PLXNA2: variants seen among roughly 807,000 people sequenced by gnomAD.
PLXNA2 encodes plexin A2.
In PLXNA2, 91 loss-of-function variants were observed where a neutral mutation model predicts 193.5. That is an observed-to-expected ratio of 0.47 (90% CI 0.40 to 0.56). The LOEUF is 0.56. PLXNA2 is among the 20% of genes least tolerant of loss of function. The pLI, the probability that PLXNA2 is intolerant of heterozygous loss-of-function variation, is 0.00. For missense variants in PLXNA2, 1,995 were observed against 2,503.2 expected, an observed-to-expected ratio of 0.80 and a Z score of 4.33; for synonymous variants, 997 against 1,027.3, an observed-to-expected ratio of 0.97 and a Z score of 0.56.
At chr1:208,060,623 G>T in intron 13 of PLXNA2, 63 bp downstream of exon 13, 2 of 1,475,816 alleles carry the variant, frequency 1.4e-6, no homozygotes, top group East Asian at 2.4e-5. Flanking sequence ...AAGGGAGAGG[G>T]GAGAGTCTCC....
At chr1:208,235,021 G>A (rs777842579) in intron 1 of PLXNA2, among the ~76,000 whole-genome samples, 6 of 152,154 alleles carry the variant, frequency 3.9e-5, no homozygotes, top group South Asian at 2.1e-4. Flanking sequence ...TGAGCTCTGC[G>A]TTTTCTTATT....
intron 1 of PLXNA2, among the ~76,000 whole-genome samples, chr1:208,240,625 G>C (rs1464307619): frequency 1.3e-5 from 2 of 151,980 alleles, no homozygotes; most frequent in African/African-American, 4.8e-5. Flanking sequence ...GGGGCTGAGG[G>C]GGGAACGCAC....
chr1:208,126,278 GT>G (rs1667974771), intron 4 of PLXNA2, among the ~76,000 whole-genome samples: 1 of 152,262 alleles, frequency 6.6e-6, no homozygotes, highest in Admixed American at 6.5e-5. Flanking sequence ...CCATGGGGTG[GT>G]TTGGTTCTTT....
intron 3 of PLXNA2, among the ~76,000 whole-genome samples, chr1:208,158,760 G>A (rs1669014497): frequency 6.6e-6 from 1 of 152,226 alleles, no homozygotes; most frequent in African/African-American, 2.4e-5. Flanking sequence ...AAAACAGGCT[G>A]TTCTCAAAGT....
chr1:208,171,821 A>C (rs750581282), intron 3 of PLXNA2, among the ~76,000 whole-genome samples: 1 of 152,142 alleles, frequency 6.6e-6, no homozygotes, highest in Non-Finnish European at 1.5e-5. Context: ...GCATCACTGC[A>C]TGCCAGCCTG....
At chr1:208,075,620 T>C (rs934064278) in intron 12 of PLXNA2, among the ~76,000 whole-genome samples, 1 of 152,232 alleles carries the variant, frequency 6.6e-6, no homozygotes. Context: ...CTACTAATTT[T>C]AGTGTTCATT....
intron 4 of PLXNA2, among the ~76,000 whole-genome samples, chr1:208,105,882 C>T (rs979017489): frequency 1.3e-5 from 2 of 152,158 alleles, no homozygotes; most frequent in African/African-American, 2.4e-5. Flanking sequence ...GCATTGCATT[C>T]GGCCCGTCTG....
At position 208,114,886 on chromosome 1, in the gene PLXNA2, G is replaced by A. The variant is rs78394339; in HGVS notation, c.1507-11639C>T. Among the ~76,000 whole-genome samples, 235 of 152,348 alleles carry A rather than the reference G, an allele frequency of 1.5e-3. 5 individuals carry two copies. The East Asian group carries it at 0.043, about 28-fold the overall frequency. ...AGGGAAGGAAGGATAGAGGGAGCGG[G>A]AGGGAGATGGAGGATAAGAATATGT... On this transcript the variant is annotated intron_variant, in intron 4 of 31. Coordinates refer to ENST00000367033, the MANE Select transcript of PLXNA2 (RefSeq NM_025179.4).
intron 12 of PLXNA2, among the ~76,000 whole-genome samples, chr1:208,078,316 G>A (rs1216594805): frequency 1.3e-5 from 2 of 152,150 alleles, no homozygotes; most frequent in South Asian, 4.2e-4. Context: ...ACTGATCTGG[G>A]GTTTTGATAT....
rs1458373786 is a variant in PLXNA2, at chr1:208,033,312, G to T, written c.5055+7C>A. The T allele has an allele frequency of 3.1e-6, 5 of 1,610,298 alleles. No individual in the cohort carries two copies. Among genetic ancestry groups the T allele is most frequent in the Non-Finnish European group, 4.2e-6 (5 of 1,177,574 alleles). On this transcript the variant is annotated splice_region_variant and intron_variant, in intron 28 of 31. Transcript: ENST00000367033. ...GCACTCCCTGGTCTGGGCAGAGGGGGAGTTACCTTGGTGGCCAGTAGCCGG... is the reference window on the plus strand; with the variant it reads ...GCACTCCCTGGTCTGGGCAGAGGGGTAGTTACCTTGGTGGCCAGTAGCCGG...
chr1:208,171,388 T>C (rs138465103), intron 3 of PLXNA2, among the ~76,000 whole-genome samples: 23 of 152,332 alleles, frequency 1.5e-4, no homozygotes, highest in African/African-American at 5.5e-4. Context: ...TACTCTATCA[T>C]TTAATTCTCA....
At chr1:208,228,814 A>G (rs773779723) in intron 1 of PLXNA2, among the ~76,000 whole-genome samples, 1 of 152,034 alleles carries the variant, frequency 6.6e-6, no homozygotes, top group Non-Finnish European at 1.5e-5. Flanking sequence ...TTCTTTGCCT[A>G]TCCATACCCA....
At chr1:208,030,587 A>G in intron 29 of PLXNA2, 1 of 985,388 alleles carries the variant, frequency 1.0e-6, no homozygotes, top group Non-Finnish European at 1.2e-6. Flanking sequence ...CGACCACAAG[A>G]CCCGGGAGGA....
At chr1:208,231,260 C>T (rs1671684055) in intron 1 of PLXNA2, among the ~76,000 whole-genome samples, 1 of 151,990 alleles carries the variant, frequency 6.6e-6, no homozygotes, top group Non-Finnish European at 1.5e-5. Context: ...AAAGTGCTCC[C>T]TGAGTGAGAA....
rs1161854502 is a variant in PLXNA2, at chr1:208,046,128, C to T, written c.3256-11G>A. 3 of 1,610,200 alleles carry T rather than the reference C, an allele frequency of 1.9e-6. No homozygotes were observed. The African/African-American group carries it at 4.0e-5, about 22-fold the overall frequency. On this transcript the variant is annotated splice_polypyrimidine_tract_variant and intron_variant, in intron 17 of 31. Transcript: ENST00000367033. ...CACAACTTTACACACCTAAGAGATC[C>T]AGAGCGCAGCATTCACACACGGAGT...
intron 1 of PLXNA2, among the ~76,000 whole-genome samples, chr1:208,240,788 G>A (rs142559515): frequency 0.017 from 2,563 of 151,140 alleles, 19 homozygotes; most frequent in Middle Eastern, 0.034. Flanking sequence ...GCTTGGCTAG[G>A]CGCTCCTTGC....
At chr1:208,178,640 C>A (rs1168107006) in intron 3 of PLXNA2, among the ~76,000 whole-genome samples, 1 of 152,120 alleles carries the variant, frequency 6.6e-6, no homozygotes, top group East Asian at 1.9e-4. Context: ...TGTTGGGAAC[C>A]CAATTTGGAA....
intron 4 of PLXNA2, among the ~76,000 whole-genome samples, chr1:208,141,257 C>T (rs1324177248): frequency 1.3e-5 from 2 of 152,220 alleles, no homozygotes; most frequent in East Asian, 1.9e-4. Flanking sequence ...CTTACTTCTT[C>T]GCTCATCCCT....
At chr1:208,152,668 TACACAC>T (rs10564360) in intron 3 of PLXNA2, among the ~76,000 whole-genome samples, 2 of 137,542 alleles carry the variant, frequency 1.5e-5, no homozygotes, top group Non-Finnish European at 3.1e-5. Flanking sequence ...TGCATACACA[TACACAC>T]ACACACACGC....
Sources: allele counts gnomAD v4.1 joint callset (sites outside exome capture counted in the v4.1 genomes callset), GRCh38; gene constraint gnomAD v4.1.1; transcripts MANE v1.5; gene names NCBI Gene and HGNC (gene_info 2026-07-23, HGNC 2026-07-21).